The following AKR1C2 variants were observed in gnomAD, a reference collection of about 807,000 sequenced individuals.
The protein encoded by AKR1C2 is 3-alpha-HSD3.
A neutral mutation model predicts 39.8 loss-of-function variants in AKR1C2; 27 were observed. The ratio of observed to expected loss-of-function variants is 0.68; its 90% confidence interval spans 0.50 to 0.93. The LOEUF (loss-of-function observed/expected upper bound fraction) is 0.93, where lower values mean the gene tolerates loss of function less well. AKR1C2 is among the 40% of genes least tolerant of loss of function. The pLI, the probability that AKR1C2 is intolerant of heterozygous loss-of-function variation, is 0.00. For synonymous variants in AKR1C2, 114 were observed against 137.9 expected (o/e 0.83, Z 1.22); for missense variants, 263 against 365.1 (o/e 0.72, Z 2.28).
At chr10:5,016,227 T>C (rs1837636697) in intron 1 of AKR1C2, among the ~76,000 whole-genome samples, 1 of 152,214 alleles carries the variant, frequency 6.6e-6, no homozygotes, top group African/African-American at 2.4e-5. Context: ...AAGTCTTAAC[T>C]TATTTCAGCA....
rs527287349 is a variant in AKR1C2 at position 5,014,503 on chromosome 10, C to T, written c.-88+3397G>A. Among the ~76,000 whole-genome samples the T allele has an allele frequency of 6.8e-3, 1,027 of 152,110 alleles. 15 individuals are homozygous for T. Among genetic ancestry groups the T allele is most frequent in the African/African-American group, 0.024 (976 of 41,460 alleles). ...TGGTTGAACAAGGTGTGTTGGCATC[C>T]AAACCACGCCTTCATCATTTAGTTT... On this transcript the variant is annotated intron_variant, in intron 1 of 6. Transcript: ENST00000604507.
Position 5,013,273 on chromosome 10 carries a change from T to A in AKR1C2, c.-88+4627A>T, listed in dbSNP as rs149918386. ...TAATTCTAATTCTGAAAAATTACCT[T>A]ATCTAATATTTATGAAACGATTCTG... On this transcript the variant is annotated intron_variant, in intron 1 of 6. Coordinates refer to the AKR1C2 transcript ENST00000604507. The A allele has an allele frequency of 3.3e-3, 505 of 152,338 alleles. 5 individuals carry two copies. The highest frequency in any genetic ancestry group is 0.011 in the African/African-American group (476 of 41,578). The allele number at this position is 152,338 out of a possible 1,614,324, so 9.4% of individuals were successfully genotyped here.
At chr10:5,011,484 A>G (rs1325173631) in intron 1 of AKR1C2, among the ~76,000 whole-genome samples, 1 of 152,232 alleles carries the variant, frequency 6.6e-6, no homozygotes, top group Admixed American at 6.5e-5. Flanking sequence ...TTCACTACAG[A>G]TCTAATGAAT....
chr10:4,993,534 G>A (rs1470904825), intron 7 of AKR1C2, among the ~76,000 whole-genome samples: 6 of 151,964 alleles, frequency 3.9e-5, no homozygotes, highest in Non-Finnish European at 7.4e-5. Context: ...TAACAATTTT[G>A]TAAGATAACA....
At chr10:5,017,027 C>G (rs1588314184) in intron 1 of AKR1C2, among the ~76,000 whole-genome samples, 2 of 152,310 alleles carry the variant, frequency 1.3e-5, no homozygotes, top group South Asian at 2.1e-4. Context: ...TGTCCCAAGA[C>G]TTCACAGAGC....
Position 5,013,291 on chromosome 10 carries a change from C to T in AKR1C2, c.-88+4609G>A, listed in dbSNP as rs541004727. ...ATTACCTTATCTAATATTTATGAAA[C>T]GATTCTGATTCTATTTCTGAACAAT... On this transcript the variant is annotated intron_variant, in intron 1 of 6. Coordinates refer to the AKR1C2 transcript ENST00000604507. 1.2e-4 allele frequency: 19 copies of T among 152,110 alleles called. No homozygotes were observed. The East Asian group carries it at 1.3e-3, about 11-fold the overall frequency. 9.4% of individuals were successfully genotyped at this position (152,110 alleles called of 1,614,324 possible).
intron 8 of AKR1C2, among the ~76,000 whole-genome samples, chr10:4,990,388 C>T (rs1554772045): frequency 6.6e-6 from 1 of 152,126 alleles, no homozygotes; most frequent in African/African-American, 2.4e-5. Context: ...AACAGGAACT[C>T]CTTCTGCCTT....
intron 1 of AKR1C2, among the ~76,000 whole-genome samples, chr10:5,011,928 T>C (rs1554774956): frequency 1.3e-5 from 2 of 152,208 alleles, no homozygotes; most frequent in African/African-American, 4.8e-5. Flanking sequence ...AGTTATAACA[T>C]GGAAGTAGTT....
intron 5 of AKR1C2, chr10:4,997,318 G>C (rs1837090367): frequency 1.3e-5 from 2 of 152,250 alleles, no homozygotes; most frequent in Admixed American, 1.3e-4. Context: ...GTTAAAAAAA[G>C]AAGAGCTACA....
At chr10:4,995,924 A>G in intron 5 of AKR1C2, 59 bp from the exon 6 acceptor site, 2 of 1,554,728 alleles carry the variant, frequency 1.3e-6, no homozygotes, top group South Asian at 2.3e-5. Context: ...TAATATTAAA[A>G]TCACCAAAGT....
chr10:5,015,340 C>A (rs569554906), intron 1 of AKR1C2: 23 of 152,174 alleles, frequency 1.5e-4, no homozygotes, highest in Non-Finnish European at 2.5e-4. Context: ...CAGGAGATAT[C>A]ATTTCTAACA....
chr10:4,990,726 C>G (rs1554772093), intron 8 of AKR1C2, among the ~76,000 whole-genome samples: 1 of 151,920 alleles, frequency 6.6e-6, no homozygotes, highest in Non-Finnish European at 1.5e-5. Flanking sequence ...ACACCGAGAG[C>G]AAACACTTGG....
At chr10:5,006,742 A>T (rs576804081), upstream of AKR1C2, 2 of 89,676 alleles carry the variant, frequency 2.2e-5, no homozygotes, top group South Asian at 7.2e-4. Flanking sequence ...AATAAAAAAA[A>T]ATTTCACCGA....
upstream of AKR1C2, among the ~76,000 whole-genome samples, chr10:5,005,079 T>C (rs1268901831): frequency 6.6e-6 from 1 of 151,812 alleles, no homozygotes; most frequent in African/African-American, 2.4e-5. Context: ...ACAGATGTTA[T>C]AGGCAAAAGG....
At position 4,989,850 on chromosome 10, in the gene AKR1C2, G is replaced by T. The variant is rs568810684; in HGVS notation, c.*146C>A. 7.0e-5 allele frequency: 82 copies of T among 1,175,526 alleles called. No individual in the cohort carries two copies. The highest frequency in any genetic ancestry group is 9.5e-5 in the Non-Finnish European group (79 of 835,528). The allele number at this position is 1,175,526 out of a possible 1,614,324, so 72.8% of individuals were successfully genotyped here. A position where few individuals can be genotyped will look rare whatever the true frequency, so the allele number is the denominator to read the frequency against. On this transcript the variant is annotated 3_prime_UTR_variant, in exon 9 of 9. Transcript: ENST00000380753. The stretch of plus-strand genomic sequence containing the variant: ...AAATTATTGTCTTTCTTTTCCGGCC[G>T]ATGGGCTTAGCTGTAGCTTACTGAA...
rs111249159 is a variant in AKR1C2 at position 5,000,660 on chromosome 10, T to A, written c.259A>T (p.Ser87Cys). 64 of 1,613,032 alleles carry A rather than the reference T, an allele frequency of 4.0e-5. No individual in the cohort carries two copies. The Admixed American group carries it at 5.0e-4, about 13-fold the overall frequency. Reference protein sequence around the residue: ...EDIFYTSKLWSNSHRPELVRP... With the variant: ...EDIFYTSKLWCNSHRPELVRP... ...ACCAACTCTGGTCGATGGGAATTGC[T>A]CCAAAGCTGCAGAGGTTAGAGAAAC... The change falls in exon 3 of 9, where the codon AGC becomes TGC. Residue 87 changes from serine (S) to cysteine (C), a missense_variant. Ser to Cys is a moderately radical substitution (Grantham distance 112). This residue lies in a region of AKR1C2 where 247 missense variants were observed against 267.9 expected (regional missense o/e 0.92). Coordinates refer to ENST00000380753, the MANE Select transcript of AKR1C2 (RefSeq NM_001393392.1).
chr10:4,993,142 C>T (rs1836900237), intron 7 of AKR1C2, among the ~76,000 whole-genome samples: 1 of 152,142 alleles, frequency 6.6e-6, no homozygotes, highest in Non-Finnish European at 1.5e-5. Flanking sequence ...AAAACATTTA[C>T]TTGCCTGTGG....
intron 7 of AKR1C2, among the ~76,000 whole-genome samples, chr10:4,993,424 A>G (rs560843663): frequency 2.1e-4 from 32 of 152,194 alleles, no homozygotes; most frequent in Non-Finnish European, 4.0e-4. Flanking sequence ...AATTTTGCTA[A>G]AAATTCAAAA....
chr10:4,990,464 T>C (rs1836799045), intron 8 of AKR1C2, among the ~76,000 whole-genome samples: 1 of 152,254 alleles, frequency 6.6e-6, no homozygotes, highest in Non-Finnish European at 1.5e-5. Flanking sequence ...GTGATAATTA[T>C]ACTGGTAGTA....
Sources: allele counts gnomAD v4.1 joint callset (sites outside exome capture counted in the v4.1 genomes callset), GRCh38; gene constraint gnomAD v4.1.1; regional missense constraint gnomAD v4.1.1; transcripts MANE v1.5; gene names NCBI Gene and HGNC (gene_info 2026-07-23, HGNC 2026-07-21).